Variants in MYZAP observed in about 807,000 individuals in gnomAD.
MYZAP encodes the protein myocardial zonula adherens protein, also known as GRINL1A complex locus upstream.
In MYZAP, 66 loss-of-function variants were observed where a neutral mutation model predicts 69.4. The observed-to-expected ratio is 0.95, with a 90% CI of 0.78 to 1.17. MYZAP has a LOEUF of 1.17. Among genes scored for constraint, MYZAP ranks in the 50% most tolerant of loss-of-function variants. The pLI is 0.00. For missense variants in MYZAP, 611 were observed against 556.2 expected (o/e 1.10, Z -0.99); for synonymous variants, 256 against 205.9 (o/e 1.24, Z -2.09).
chr15:57,668,161 T>TA (rs2140583408), intron 11 of MYZAP, among the ~76,000 whole-genome samples: 1 of 152,338 alleles, frequency 6.6e-6, no homozygotes. Flanking sequence ...ATTGTATGAA[T>TA]ATATCGCAGT....
At chr15:57,617,955 AC>A (rs1292082028) in intron 2 of MYZAP, 77 bp from the exon 3 acceptor site, 2 of 1,517,190 alleles carry the variant, frequency 1.3e-6, no homozygotes, top group Non-Finnish European at 1.8e-6. Flanking sequence ...ATAATCATAC[AC>A]AGTGGGCCCG....
intron 10 of MYZAP, among the ~76,000 whole-genome samples, chr15:57,653,481 CAAATA>C (rs2037829569): frequency 6.6e-6 from 1 of 152,128 alleles, no homozygotes; most frequent in East Asian, 1.9e-4. Context: ...AATAAATGTT[CAAATA>C]AAATAAACTT....
chr15:57,650,343 A>C (rs2037667153), intron 10 of MYZAP, among the ~76,000 whole-genome samples: 1 of 152,176 alleles, frequency 6.6e-6, no homozygotes, highest in African/African-American at 2.4e-5. Flanking sequence ...CAGTTGGTAC[A>C]CGTTTAAGAA....
intron 5 of MYZAP, among the ~76,000 whole-genome samples, chr15:57,626,686 G>T (rs1367432078): frequency 2.0e-5 from 3 of 152,098 alleles, no homozygotes; most frequent in Non-Finnish European, 4.4e-5. Context: ...CCTCTCAAAA[G>T]TTCCAAAACC....
intron 4 of MYZAP, 149 bp from the exon 5 acceptor site, chr15:57,625,630 A>G: frequency 2.8e-6 from 2 of 712,634 alleles, no homozygotes; most frequent in Non-Finnish European, 4.8e-6. Flanking sequence ...TCTCTGGATC[A>G]TGCAGATGTT....
intron 2 of MYZAP, among the ~76,000 whole-genome samples, chr15:57,604,882 C>T (rs1023411463): frequency 1.2e-4 from 18 of 152,210 alleles, no homozygotes; most frequent in South Asian, 2.1e-4. Context: ...GTGCTGAGGC[C>T]GTGAAGATAA....
At chr15:57,633,835 C>A in intron 8 of MYZAP, 94 bp downstream of exon 8, 3 of 1,298,742 alleles carry the variant, frequency 2.3e-6, no homozygotes, top group South Asian at 3.1e-5. Flanking sequence ...GGATTCCTCT[C>A]ACCTCCAAAA....
At chr15:57,644,517 CT>C (rs1233407650) in intron 10 of MYZAP, among the ~76,000 whole-genome samples, 1 of 152,126 alleles carries the variant, frequency 6.6e-6, no homozygotes, top group Non-Finnish European at 1.5e-5. Context: ...GCAATCATAC[CT>C]TCCTGCAGCC....
At chr15:57,623,772 C>T (rs1367561232) in intron 4 of MYZAP, among the ~76,000 whole-genome samples, 4 of 147,216 alleles carry the variant, frequency 2.7e-5, no homozygotes, top group African/African-American at 1.0e-4. Context: ...AACGATGTAT[C>T]TCTACAATAG....
At position 57,668,217 on chromosome 15, in the gene MYZAP, G is replaced by T. The variant is rs867424316; in HGVS notation, c.1203+6684G>T. Among the ~76,000 whole-genome samples, 46 of 152,230 alleles carry T rather than the reference G, an allele frequency of 3.0e-4. No individual in the cohort carries two copies. In the Middle Eastern group the frequency reaches 0.014, roughly 45 times the overall value. ...ATACATTTGAGTTGTTTCCAGCTCT[G>T]GGCTATTGTGAATAAAGCTGCAGTG... On this transcript the variant is annotated intron_variant, in intron 11 of 12. Transcript: ENST00000267853.
chr15:57,676,562 T>TTTTGAAA (rs1466978602), intron 12 of MYZAP, among the ~76,000 whole-genome samples: 1 of 151,556 alleles, frequency 6.6e-6, no homozygotes, highest in African/African-American at 2.4e-5. Context: ...ACAGAGACCT[T>TTTTGAAA]TTTGAAATTT....
At chr15:57,600,935 A>C (rs556656388) in intron 1 of MYZAP, among the ~76,000 whole-genome samples, 3 of 152,246 alleles carry the variant, frequency 2.0e-5, no homozygotes, top group African/African-American at 7.2e-5. Flanking sequence ...AAAATTAGCC[A>C]GGCATGGTGA....
At chr15:57,617,069 G>T (rs1377902884) in intron 2 of MYZAP, among the ~76,000 whole-genome samples, 1 of 151,834 alleles carries the variant, frequency 6.6e-6, no homozygotes, top group Non-Finnish European at 1.5e-5. Flanking sequence ...CACCTACTCT[G>T]TCCCCCTGCA....
chr15:57,676,436 G>GTGTA (rs2039130155), intron 12 of MYZAP, among the ~76,000 whole-genome samples: 1 of 20,078 alleles, frequency 5.0e-5, no homozygotes, highest in African/African-American at 9.1e-5. Flanking sequence ...ATATATATAT[G>GTGTA]TATATATATA....
chr15:57,660,725 T>C lies in MYZAP; in HGVS notation c.1120-725T>C, dbSNP rs569525671. On this transcript the variant is annotated intron_variant, in intron 10 of 12. Transcript: ENST00000267853. ...TGCATACTGTTCCCACTATTATGCA[T>C]AACACGGCCTGGTACAGAGTACTCT... Among the ~76,000 whole-genome samples the C allele has an allele frequency of 1.4e-4, 21 of 152,304 alleles. 1 individual carries two copies. The South Asian group carries it at 4.1e-3, about 30-fold the overall frequency.
At chr15:57,596,729 C>T (rs2034084857) in intron 1 of MYZAP, among the ~76,000 whole-genome samples, 2 of 152,230 alleles carry the variant, frequency 1.3e-5, no homozygotes, top group Admixed American at 6.5e-5. Context: ...TTTCCCCTCC[C>T]TATATGTGGT....
chr15:57,631,175 A>T (rs1187572685), intron 6 of MYZAP, among the ~76,000 whole-genome samples: 1 of 115,168 alleles, frequency 8.7e-6, no homozygotes, highest in Non-Finnish European at 2.0e-5. Context: ...TTACTGATTT[A>T]AGTAATTTTT....
chr15:57,631,962 C>T (rs1595889315), intron 6 of MYZAP, among the ~76,000 whole-genome samples: 1 of 152,298 alleles, frequency 6.6e-6, no homozygotes, highest in East Asian at 1.9e-4. Context: ...CTTTTTCTCA[C>T]CTCCTAAGCC....
intron 12 of MYZAP, among the ~76,000 whole-genome samples, chr15:57,683,708 G>C (rs532171801): frequency 8.5e-5 from 13 of 152,178 alleles, no homozygotes; most frequent in Non-Finnish European, 1.3e-4. Context: ...TCCAGTGTTT[G>C]GCAAGGACTT....
Sources: gnomAD v4.1 joint callset for allele counts (sites outside exome capture counted in the v4.1 genomes callset) on GRCh38, gnomAD v4.1.1 for gene constraint, MANE v1.5 for transcripts, NCBI Gene and HGNC (gene_info 2026-07-23, HGNC 2026-07-21) for gene names.